Variants in ME2 observed in about 807,000 individuals in gnomAD.
The protein encoded by ME2 is malic enzyme 2, also known as NAD-dependent malic enzyme, mitochondrial.
In ME2, 60 loss-of-function variants were observed where a neutral mutation model predicts 73.7. The ratio of observed to expected loss-of-function variants is 0.81; its 90% CI spans 0.66 to 1.01. ME2 has a LOEUF of 1.01. Among genes scored for constraint, ME2 ranks in the 50% least tolerant of loss-of-function variants. The probability of loss-of-function intolerance (pLI) is 0.00; values close to 1 mark genes in which losing one functional copy is unlikely to be tolerated. For synonymous variants in ME2, 199 were observed against 236.9 expected, an observed-to-expected ratio of 0.84 and a Z score of 1.47; for missense variants, 594 against 705.5, an observed-to-expected ratio of 0.84 and a Z score of 1.79.
chr18:50,919,734 A>G (rs951135455), intron 7 of ME2, among the ~76,000 whole-genome samples: 1 of 152,096 alleles, frequency 6.6e-6, no homozygotes, highest in Non-Finnish European at 1.5e-5. Context: ...AAAGGGAGTC[A>G]TATGTGAATA....
At chr18:50,932,899 G>A (rs914785365) in intron 13 of ME2, 1 of 152,358 alleles carries the variant, frequency 6.6e-6, no homozygotes, top group Non-Finnish European at 1.5e-5. Flanking sequence ...CAGGTGTTCT[G>A]CCCATCCCAA....
At chr18:50,931,459 A>T (rs1917687037) in intron 12 of ME2, among the ~76,000 whole-genome samples, 1 of 152,254 alleles carries the variant, frequency 6.6e-6, no homozygotes, top group African/African-American at 2.4e-5. Flanking sequence ...TGATTTTTTA[A>T]AATTAGTGAA....
rs1176649357 is a variant in ME2, at chr18:50,952,523, CTT to C, written c.*5342_*5343del. 3.3e-5 allele frequency: 5 copies of C among 152,230 alleles called. No homozygotes were observed. In the East Asian group the frequency reaches 9.6e-4, roughly 29 times the overall value. 9.4% of individuals were successfully genotyped at this position (152,230 alleles called of 1,614,324 possible). ...GTCAAGTGATTTGAATGCTTAGTGTCTTTTGGTAAACAGCATTTTGTCAACAA... is the reference window on the plus strand; with the variant it reads ...GTCAAGTGATTTGAATGCTTAGTGTCTTGGTAAACAGCATTTTGTCAACAA... On this transcript the variant is annotated 3_prime_UTR_variant, in exon 16 of 16. Transcript: ENST00000321341.
chr18:50,917,450 C>T lies in ME2; in HGVS notation c.572C>T (p.Ala191Val). 1 of 1,613,292 alleles carries T rather than the reference C, an allele frequency of 6.2e-7. No individual in the cohort carries two copies. ...AAACTTTGTTTGTATACAGCTTGTG[C>T]AGGAATACGGCCTGATAGATGCCTG... ...VGKLCLYTAC[A>V]GIRPDRCLPV... The change falls in exon 6 of 16, where the codon GCA becomes GTA. Residue 191 changes from alanine to valine, a missense_variant. Transcript: ENST00000321341.
chr18:50,892,595 G>C (rs1001471664), intron 1 of ME2, among the ~76,000 whole-genome samples: 2 of 152,094 alleles, frequency 1.3e-5, no homozygotes, highest in African/African-American at 4.8e-5. Flanking sequence ...ATTGTAAATA[G>C]AATCTTTTAT....
At position 50,947,502 on chromosome 18, in the gene ME2, C is replaced by T. The variant is rs1918115636; in HGVS notation, c.*318C>T. ...TAATTCAGACTTGCCAAAGTATTTGCTATTTACTATTATGGGTAATACTCT... is the reference window on the plus strand; with the variant it reads ...TAATTCAGACTTGCCAAAGTATTTGTTATTTACTATTATGGGTAATACTCT... On this transcript the variant is annotated 3_prime_UTR_variant, in exon 16 of 16. Transcript: ENST00000321341. 1 of 224,256 alleles carries T rather than the reference C, an allele frequency of 4.5e-6. No individual in the cohort carries two copies. Among genetic ancestry groups the T allele is most frequent in the South Asian group, 1.2e-4 (1 of 8,512 alleles). The allele number at this position is 224,256 out of a possible 1,614,324, so 13.9% of individuals were successfully genotyped here.
chr18:50,897,678 C>T (rs968352141), intron 2 of ME2, among the ~76,000 whole-genome samples: 1 of 151,710 alleles, frequency 6.6e-6, no homozygotes, highest in Non-Finnish European at 1.5e-5. Context: ...CTGACCAACA[C>T]GGAGAAACCC....
chr18:50,898,931 A>G (rs1209794845), intron 2 of ME2, among the ~76,000 whole-genome samples: 1 of 152,234 alleles, frequency 6.6e-6, no homozygotes, highest in African/African-American at 2.4e-5. Flanking sequence ...CAAGTATAAA[A>G]TTGGATTTCT....
rs36058911 is a variant in ME2 at position 50,951,547 on chromosome 18, C to CTTTTTTTTTTTTTTTTTT, written c.*4380_*4381insTTTTTTTTTTTTTTTTTT. 7.3e-6 allele frequency: 1 copy of CTTTTTTTTTTTTTTTTTT among 136,122 alleles called. No individual in the cohort carries two copies. The highest frequency in any genetic ancestry group is 2.3e-4 in the South Asian group (1 of 4,264). 8.4% of individuals were successfully genotyped at this position (136,122 alleles called of 1,614,324 possible). On this transcript the variant is annotated 3_prime_UTR_variant, in exon 16 of 16. Coordinates refer to ENST00000321341, the MANE Select transcript of ME2 (RefSeq NM_002396.5). ...TCTCTTCTTTGACGTGTTACGTTGT[C>CTTTTTTTTTTTTTTTTTT]TTTTTTTTTTTTTTTTTAACTTCTT...
chr18:50,903,682 C>T (rs1298467452), intron 2 of ME2, among the ~76,000 whole-genome samples: 1 of 152,184 alleles, frequency 6.6e-6, no homozygotes. Context: ...CTCCTGGGCT[C>T]AAGCAATCTA....
rs192793507 is a variant in ME2 at position 50,912,715 on chromosome 18, T to C, written c.243-86T>C. ...TGAGAATGGGGCTCAATTTCAATTT[T>C]AGACATTTAGGTTTAACTTTCATAA... On this transcript the variant is annotated intron_variant, in intron 3 of 15. Transcript: ENST00000321341. 1.4e-5 allele frequency: 16 copies of C among 1,124,366 alleles called. No homozygotes were observed. The East Asian group carries it at 4.4e-4, about 31-fold the overall frequency. The allele number at this position is 1,124,366 out of a possible 1,614,324, so 69.6% of individuals were successfully genotyped here. A position where few individuals can be genotyped will look rare whatever the true frequency, so the allele number is the denominator to read the frequency against.
At chr18:50,921,962 A>G (rs1486686748) in intron 10 of ME2, among the ~76,000 whole-genome samples, 1 of 152,234 alleles carries the variant, frequency 6.6e-6, no homozygotes, top group South Asian at 2.1e-4. Flanking sequence ...GAATATAAGT[A>G]AACTGTTCCA....
intron 2 of ME2, among the ~76,000 whole-genome samples, chr18:50,898,550 C>A (rs1325910262): frequency 6.6e-6 from 1 of 152,128 alleles, no homozygotes; most frequent in Non-Finnish European, 1.5e-5. Flanking sequence ...TCCCATCTCA[C>A]CTTCCCGAGT....
intron 12 of ME2, among the ~76,000 whole-genome samples, chr18:50,928,733 T>C (rs1917623230): frequency 6.6e-6 from 1 of 152,160 alleles, no homozygotes; most frequent in Non-Finnish European, 1.5e-5. Flanking sequence ...ATCCACCCCT[T>C]TGGGTATGAA....
chr18:50,891,592 A>T (rs1916606235), intron 1 of ME2, among the ~76,000 whole-genome samples: 1 of 152,162 alleles, frequency 6.6e-6, no homozygotes, highest in South Asian at 2.1e-4. Flanking sequence ...TACCATAGAC[A>T]TGAGTGGAAT....
chr18:50,926,445 G>C (rs984615285), intron 12 of ME2, among the ~76,000 whole-genome samples: 1 of 152,106 alleles, frequency 6.6e-6, no homozygotes, highest in Non-Finnish European at 1.5e-5. Context: ...CATTGTCTTA[G>C]GTTTTTAACA....
chr18:50,910,818 A>G (rs551816942), intron 3 of ME2, among the ~76,000 whole-genome samples: 1 of 152,322 alleles, frequency 6.6e-6, no homozygotes, highest in Non-Finnish European at 1.5e-5. Context: ...AACAGTAATG[A>G]CAGGGAGAGA....
Position 50,954,149 on chromosome 18 carries a change from TCA to T in ME2, c.*6966_*6967del, listed in dbSNP as rs1476950816. On this transcript the variant is annotated 3_prime_UTR_variant, in exon 16 of 16. Coordinates refer to ENST00000321341, the MANE Select transcript of ME2 (RefSeq NM_002396.5). ...GACTTGTTAAAAATGGTTCCAAGAA[TCA>T]GTCTAAAAACTTCAGAATTATGTGA... The T allele has an allele frequency of 6.6e-6, 1 of 152,228 alleles. No individual in the cohort carries two copies. The highest frequency in any genetic ancestry group is 1.5e-5 in the Non-Finnish European group (1 of 68,040). The allele number at this position is 152,228 out of a possible 1,614,324, so 9.4% of individuals were successfully genotyped here. A position where few individuals can be genotyped will look rare whatever the true frequency, so the allele number is the denominator to read the frequency against.
At chr18:50,880,350 T>A (rs961346152) in intron 1 of ME2, among the ~76,000 whole-genome samples, 2 of 152,184 alleles carry the variant, frequency 1.3e-5, no homozygotes, top group Non-Finnish European at 2.9e-5. Context: ...CATAGCTGCA[T>A]CCTCCACCCC....
Sources: gnomAD v4.1 joint callset for allele counts (sites outside exome capture counted in the v4.1 genomes callset) on GRCh38, gnomAD v4.1.1 for gene constraint, MANE v1.5 for transcripts, NCBI Gene and HGNC (gene_info 2026-07-23, HGNC 2026-07-21) for gene names.